Variants in COLEC10 observed in about 807,000 individuals in gnomAD.
The protein encoded by COLEC10 is collectin-10.
Under a neutral mutation model 28.4 loss-of-function variants are expected in COLEC10, and 22 were observed. The observed-to-expected ratio is 0.78, with a 90% CI of 0.55 to 1.11. The LOEUF (loss-of-function observed/expected upper bound fraction) is 1.11, where lower values mean the gene tolerates loss of function less well. Ranked by LOEUF, COLEC10 falls within the 50% of genes least tolerant of loss-of-function variation. The probability of loss-of-function intolerance (pLI) is 0.00; values close to 1 mark genes in which losing one functional copy is unlikely to be tolerated. For synonymous variants in COLEC10, 125 were observed against 116.1 expected (o/e 1.08, Z -0.49); for missense variants, 361 against 344.1 (o/e 1.05, Z -0.39).
chr8:119,033,481 T>A (rs1404364146), intron 2 of COLEC10, among the ~76,000 whole-genome samples: 1 of 151,896 alleles, frequency 6.6e-6, no homozygotes, highest in African/African-American at 2.4e-5. Context: ...GGGAGAAAAA[T>A]TTTGCAATCT....
intron 1 of COLEC10, among the ~76,000 whole-genome samples, chr8:119,069,629 A>AAAAATATATATATAT (rs1554627284): frequency 9.3e-5 from 4 of 42,866 alleles, no homozygotes; most frequent in Non-Finnish European, 1.8e-4. Context: ...AAAAAAAAAA[A>AAAAATATATATATAT]ATATATATAT....
the COLEC10 span, among the ~76,000 whole-genome samples, chr8:118,967,768 G>A: frequency 6.6e-6 from 1 of 152,042 alleles, no homozygotes; most frequent in Non-Finnish European, 1.5e-5. Flanking sequence ...ATGGGATTTT[G>A]TTTTAGGTCC....
intron 1 of COLEC10, among the ~76,000 whole-genome samples, chr8:119,086,414 G>A (rs1815483236): frequency 2.6e-5 from 4 of 151,788 alleles, no homozygotes; most frequent in Non-Finnish European, 5.9e-5. Flanking sequence ...TCCAAAGCTT[G>A]CTTTTACATC....
the COLEC10 span, among the ~76,000 whole-genome samples, chr8:118,989,771 G>A: frequency 1.3e-5 from 2 of 151,734 alleles, no homozygotes; most frequent in Non-Finnish European, 2.9e-5. Flanking sequence ...ATTAGCTCTA[G>A]ATAGTAATAA....
intron 2 of COLEC10, among the ~76,000 whole-genome samples, chr8:119,047,125 C>T (rs978592347): frequency 2.6e-5 from 4 of 152,308 alleles, no homozygotes; most frequent in Non-Finnish European, 4.4e-5. Context: ...TATAAACCAA[C>T]AGATGTTAAA....
At chr8:119,063,825 A>C (rs1219302640), upstream of COLEC10, among the ~76,000 whole-genome samples, 1 of 152,182 alleles carries the variant, frequency 6.6e-6, no homozygotes, top group Non-Finnish European at 1.5e-5. Context: ...ACACAAAGCT[A>C]AGCCTGGAAT....
chr8:119,056,285 C>A (rs1814760184), intron 2 of COLEC10, among the ~76,000 whole-genome samples: 1 of 152,014 alleles, frequency 6.6e-6, no homozygotes, highest in South Asian at 2.1e-4. Flanking sequence ...CCTTGATTTA[C>A]CTAATTAAAA....
chr8:119,015,542 C>G (rs979025825), intron 2 of COLEC10, among the ~76,000 whole-genome samples: 1 of 152,126 alleles, frequency 6.6e-6, no homozygotes, highest in Non-Finnish European at 1.5e-5. Flanking sequence ...TCCATATACA[C>G]TATGATGTAA....
At chr8:119,061,823 G>A (rs143185086) in intron 2 of COLEC10, among the ~76,000 whole-genome samples, 1 of 152,162 alleles carries the variant, frequency 6.6e-6, no homozygotes, top group Non-Finnish European at 1.5e-5. Context: ...AAATAGTCAA[G>A]TTAACTCTTA....
At position 119,087,745 on chromosome 8, in the gene COLEC10, C is replaced by T. The variant is rs76146145; in HGVS notation, c.149-1935C>T. ...AAAATCCACCATCTGCTAAGAGTCA[C>T]AGAACCTAGACCAAAAGGGACAACG... On this transcript the variant is annotated intron_variant, in intron 1 of 5. Transcript: ENST00000332843. Among the ~76,000 whole-genome samples the T allele has an allele frequency of 5.1e-3, 773 of 152,230 alleles. 4 individuals are homozygous for T. Among genetic ancestry groups the T allele is most frequent in the African/African-American group, 0.018 (741 of 41,534 alleles).
At chr8:119,028,101 T>C (rs919244919) in intron 2 of COLEC10, among the ~76,000 whole-genome samples, 2 of 152,174 alleles carry the variant, frequency 1.3e-5, no homozygotes, top group African/African-American at 4.8e-5. Context: ...GTTATTGTAT[T>C]CACCTACTTG....
intron 2 of COLEC10, among the ~76,000 whole-genome samples, chr8:119,024,581 C>CATACATGTATGCACATATATGCACACAT (rs1022382436): frequency 8.7e-5 from 2 of 22,936 alleles, no homozygotes; most frequent in Non-Finnish European, 1.4e-4. Flanking sequence ...TGCACACATA[C>CATACATGTATGCACATATATGCACACAT]ACACACACAC....
At chr8:119,078,089 G>T (rs1169683204) in intron 1 of COLEC10, among the ~76,000 whole-genome samples, 1 of 152,200 alleles carries the variant, frequency 6.6e-6, no homozygotes. Context: ...GGAGCACCAA[G>T]TCATGCATGA....
intron 2 of COLEC10, among the ~76,000 whole-genome samples, chr8:119,029,167 T>C (rs752740325): frequency 1.3e-5 from 2 of 152,312 alleles, no homozygotes; most frequent in Admixed American, 6.5e-5. Context: ...TAACCTGTAT[T>C]AAGCCTTTAG....
At chr8:119,070,476 TCCTTCCCC>T (rs1815088273) in intron 1 of COLEC10, among the ~76,000 whole-genome samples, 5 of 99,034 alleles carry the variant, frequency 5.0e-5, no homozygotes, top group African/African-American at 1.7e-4. Flanking sequence ...TCTCTCTCTC[TCCTTCCCC>T]CTCCTTCCCT....
chr8:119,055,003 G>T lies in COLEC10; in HGVS notation n.236-34677G>T, dbSNP rs769892078. On this transcript the variant is annotated intron_variant and non_coding_transcript_variant, in intron 2 of 6. Transcript: ENST00000521788. ...TATGATGTAAGCGACCCAAATCTGTGATGTGAATTATCTAAAACATAAACA... is the reference window on the plus strand; with the variant it reads ...TATGATGTAAGCGACCCAAATCTGTTATGTGAATTATCTAAAACATAAACA... 2.0e-5 allele frequency among the ~76,000 whole-genome samples: 3 copies of T among 152,154 alleles called. No homozygotes were observed. The South Asian group carries it at 6.2e-4, about 32-fold the overall frequency.
chr8:119,051,438 G>A (rs372813267), intron 2 of COLEC10, among the ~76,000 whole-genome samples: 1 of 152,128 alleles, frequency 6.6e-6, no homozygotes, highest in Non-Finnish European at 1.5e-5. Context: ...GAAGAAGATG[G>A]AGATAATTTA....
intron 2 of COLEC10, among the ~76,000 whole-genome samples, chr8:119,029,771 A>G (rs1029160187): frequency 6.6e-6 from 1 of 152,200 alleles, no homozygotes; most frequent in Non-Finnish European, 1.5e-5. Flanking sequence ...AGTCAAGAAT[A>G]AAGAATAAGT....
intron 3 of COLEC10, among the ~76,000 whole-genome samples, chr8:119,100,542 C>T (rs1438717437): frequency 2.0e-5 from 3 of 152,144 alleles, no homozygotes; most frequent in Non-Finnish European, 2.9e-5. Flanking sequence ...GCAGGGTGCT[C>T]GACATATGCT....
Sources: allele counts gnomAD v4.1 joint callset (sites outside exome capture counted in the v4.1 genomes callset), GRCh38; gene constraint gnomAD v4.1.1; transcripts MANE v1.5; gene names NCBI Gene and HGNC (gene_info 2026-07-23, HGNC 2026-07-21).